Variants in RHOD observed in about 807,000 individuals in gnomAD.
The protein encoded by RHOD is rho-related GTP-binding protein RhoD.
In RHOD, 11 loss-of-function variants were observed where a neutral mutation model predicts 16.7. The ratio of observed to expected loss-of-function variants is 0.66; its 90% CI spans 0.41 to 1.09. The LOEUF (loss-of-function observed/expected upper bound fraction) is 1.09, where lower values mean the gene tolerates loss of function less well. Among genes scored for constraint, RHOD ranks in the 50% least tolerant of loss-of-function variants. The pLI, the probability that RHOD is intolerant of heterozygous loss-of-function variation, is 0.00. For missense variants in RHOD, 271 were observed against 291.7 expected (o/e 0.93, Z 0.52); for synonymous variants, 124 against 126.3 (o/e 0.98, Z 0.12).
intron 1 of RHOD, among the ~76,000 whole-genome samples, chr11:67,064,577 G>A (rs1008163307): frequency 3.3e-5 from 5 of 152,130 alleles, no homozygotes; most frequent in African/African-American, 9.7e-5. Flanking sequence ...AAAAAGCTGC[G>A]AGTTCCCCAG....
Position 67,070,500 on chromosome 11 carries a change from G to A in RHOD, c.406G>A (p.Asp136Asn). 2 of 1,614,090 alleles carry A rather than the reference G, an allele frequency of 1.2e-6. No homozygotes were observed. Among genetic ancestry groups the A allele is most frequent in the Non-Finnish European group, 1.7e-6 (2 of 1,180,014 alleles). Residue 136 changes from aspartate (D) to asparagine (N), a missense_variant, in exon 4 of 5, where the codon GAC becomes AAC. Coordinates refer to ENST00000308831, the MANE Select transcript of RHOD (RefSeq NM_014578.4). ...VVGCKTDLRK[D>N]KSLVNKLRRN... ...GGGCTGCAAGACTGACCTGCGCAAG[G>A]ACAAATCACTGGTGAACAAGCTCCG...
At chr11:67,058,902 A>AT (rs1278659662) in intron 1 of RHOD, among the ~76,000 whole-genome samples, 1 of 152,114 alleles carries the variant, frequency 6.6e-6, no homozygotes, top group East Asian at 1.9e-4. Flanking sequence ...GATGCTGCCC[A>AT]TGGGAACCCA....
chr11:67,066,002 G>T lies in RHOD; in HGVS notation c.220+19G>T. On this transcript the variant is annotated intron_variant, in intron 2 of 4. Transcript: ENST00000308831. Reference sequence around the variant, plus strand: ...ACAGCAGGTGGGTGTGCAGGGGTGGGGCAGGGTGGGAGGGGCTTCTGTGGG... The same window carrying T: ...ACAGCAGGTGGGTGTGCAGGGGTGGTGCAGGGTGGGAGGGGCTTCTGTGGG... The T allele has an allele frequency of 6.9e-7, 1 of 1,453,650 alleles. No homozygotes were observed. The highest frequency in any genetic ancestry group is 9.7e-7 in the Non-Finnish European group (1 of 1,036,082). 90.0% of individuals were successfully genotyped at this position (1,453,650 alleles called of 1,614,324 possible).
rs770099908 is a variant in RHOD at position 67,066,849 on chromosome 11, T to A, written c.330+2T>A. On this transcript the variant is annotated splice_donor_variant, in intron 3 of 4. Transcript: ENST00000308831. LOFTEE classifies it high-confidence loss of function. Reference sequence around the variant, plus strand: ...AGCTTTGACAACATCTTTAACCGGGTAGGTACTGGGGGGCAGGGAGGCATA... The same window carrying A: ...AGCTTTGACAACATCTTTAACCGGGAAGGTACTGGGGGGCAGGGAGGCATA... The A allele has an allele frequency of 2.8e-5, 44 of 1,599,068 alleles. No individual in the cohort carries two copies. Among genetic ancestry groups the A allele is most frequent in the Non-Finnish European group, 3.7e-5 (43 of 1,166,666 alleles).
chr11:67,070,457 G>T lies in RHOD; in HGVS notation c.363G>T (p.Lys121Asn). The T allele has an allele frequency of 1.2e-6, 2 of 1,614,006 alleles. No individual in the cohort carries two copies. Among genetic ancestry groups the T allele is most frequent in the Non-Finnish European group, 1.7e-6 (2 of 1,180,008 alleles). Residue 121 changes from lysine to asparagine, a missense_variant, in exon 4 of 5, where the codon AAG (lysine) becomes AAT (asparagine). By Grantham distance (94) the Lys-to-Asn change is moderately conservative (BLOSUM62 0). Coordinates refer to ENST00000308831, the MANE Select transcript of RHOD (RefSeq NM_014578.4). ...WYPEVNHFCK[K>N]VPIIVVGCKT... ...CAGAAGTGAATCATTTCTGCAAGAA[G>T]GTACCCATCATCGTCGTGGGCTGCA...
At chr11:67,066,025 G>T in intron 2 of RHOD, 42 bp downstream of exon 2, 1 of 1,385,410 alleles carries the variant, frequency 7.2e-7, no homozygotes, top group Non-Finnish European at 1.0e-6. Flanking sequence ...GGGCTTCTGT[G>T]GGCCCCTGAT....
At chr11:67,071,341 C>T in intron 4 of RHOD, 94 bp from the exon 5 acceptor site, 1 of 1,304,832 alleles carries the variant, frequency 7.7e-7, no homozygotes, top group East Asian at 2.6e-5. Context: ...GCTCCGCAGA[C>T]CCCACCTTCC....
rs759633538 is a variant in RHOD, at chr11:67,065,909, C to T, written c.146C>T (p.Thr49Met). The change falls in exon 2 of 5, where the codon ACG becomes ATG. Residue 49 changes from threonine to methionine, a missense_variant. Physicochemically the swap from Thr to Met is moderately conservative, Grantham distance 81 (BLOSUM62 -1). Coordinates refer to ENST00000308831, the MANE Select transcript of RHOD (RefSeq NM_014578.4). ...DGAFPESYTP[T>M]VFERYMVNLQ... ...GCTTCTCCTCAGAGCTACACCCCCA[C>T]GGTGTTTGAGCGGTACATGGTCAAC... 58 of 1,515,040 alleles carry T rather than the reference C, an allele frequency of 3.8e-5. No homozygotes were observed. Among genetic ancestry groups the T allele is most frequent in the Middle Eastern group, 1.8e-4 (1 of 5,594 alleles). 93.8% of individuals were successfully genotyped at this position (1,515,040 alleles called of 1,614,324 possible).
At chr11:67,057,232 G>T (rs996154665) in intron 1 of RHOD, among the ~76,000 whole-genome samples, 198 bp downstream of exon 1, 1 of 152,234 alleles carries the variant, frequency 6.6e-6, no homozygotes, top group Admixed American at 6.5e-5. Flanking sequence ...AAAGCCGGAG[G>T]AATGGCATCC....
chr11:67,068,823 T>C (rs1037333582), intron 3 of RHOD, among the ~76,000 whole-genome samples: 1 of 151,618 alleles, frequency 6.6e-6, no homozygotes, highest in Non-Finnish European at 1.5e-5. Flanking sequence ...GAGGATTCAC[T>C]GCTGGGTTCA....
chr11:67,061,141 T>C (rs1324399584), intron 1 of RHOD, among the ~76,000 whole-genome samples: 1 of 152,224 alleles, frequency 6.6e-6, no homozygotes, highest in Non-Finnish European at 1.5e-5. Context: ...ACTTCTTATG[T>C]GGCAGCAGGA....
chr11:67,060,217 A>AT (rs1410676411), intron 1 of RHOD, among the ~76,000 whole-genome samples: 3 of 152,178 alleles, frequency 2.0e-5, no homozygotes, highest in Non-Finnish European at 2.9e-5. Flanking sequence ...CTAACCAGGG[A>AT]TGCCCCGACA....
At chr11:67,071,295 G>A (rs1855026227) in intron 4 of RHOD, 140 bp from the exon 5 acceptor site, 1 of 580,522 alleles carries the variant, frequency 1.7e-6, no homozygotes, top group Non-Finnish European at 2.8e-6. Context: ...AGTGCATGAG[G>A]GCGCTTGGGC....
rs562677507 is a variant in RHOD, at chr11:67,058,978, C to T, written c.132+1944C>T. On this transcript the variant is annotated intron_variant, in intron 1 of 4. Coordinates refer to ENST00000308831, the MANE Select transcript of RHOD (RefSeq NM_014578.4). ...GTGGCCCAGGCCCAGGGGAAGGCAC[C>T]TGATGGGCGGGGGCTGGAGGGCTGA... Among the ~76,000 whole-genome samples the T allele has an allele frequency of 2.0e-5, 3 of 152,314 alleles. No homozygotes were observed. The East Asian group carries it at 5.8e-4, about 29-fold the overall frequency.
chr11:67,067,918 G>A (rs1854978939), intron 3 of RHOD, among the ~76,000 whole-genome samples: 1 of 152,164 alleles, frequency 6.6e-6, no homozygotes, highest in South Asian at 2.1e-4. Flanking sequence ...TCCTGCCTCA[G>A]CCTCCTGAGT....
chr11:67,067,795 T>TTATG (rs1266227103), intron 3 of RHOD, among the ~76,000 whole-genome samples: 1 of 151,094 alleles, frequency 6.6e-6, no homozygotes, highest in African/African-American at 2.4e-5. Context: ...GGAGGAGTTT[T>TTATG]TTTGTTTGTT....
chr11:67,060,357 G>A (rs1014886359), intron 1 of RHOD, among the ~76,000 whole-genome samples: 6 of 152,272 alleles, frequency 3.9e-5, no homozygotes, highest in African/African-American at 1.4e-4. Flanking sequence ...TTTTCTGGCT[G>A]AGGACGGCTT....
intron 4 of RHOD, 108 bp downstream of exon 4, chr11:67,070,667 C>T: frequency 7.4e-7 from 1 of 1,346,222 alleles, no homozygotes; most frequent in South Asian, 1.3e-5. Flanking sequence ...TAGGTCAGAG[C>T]TGCGGTCGTC....
chr11:67,062,166 C>T (rs565597297), intron 1 of RHOD, among the ~76,000 whole-genome samples: 1 of 152,146 alleles, frequency 6.6e-6, no homozygotes, highest in Admixed American at 6.6e-5. Context: ...GAAGGATGGA[C>T]GGGGGCTCGT....
Sources: gnomAD v4.1 joint callset for allele counts (sites outside exome capture counted in the v4.1 genomes callset) on GRCh38, gnomAD v4.1.1 for gene constraint, MANE v1.5 for transcripts, NCBI Gene and HGNC (gene_info 2026-07-23, HGNC 2026-07-21) for gene names.